Variants in RBFOX1 observed in about 807,000 individuals in gnomAD.
RBFOX1 encodes RNA binding fox-1 homolog 1.
In RBFOX1, 8 loss-of-function variants were observed where a neutral mutation model predicts 57.7. The ratio of observed to expected loss-of-function variants is 0.14; its 90% CI spans 0.08 to 0.25. RBFOX1 has a LOEUF of 0.25. Among genes scored for constraint, RBFOX1 ranks in the 10% least tolerant of loss-of-function variants. RBFOX1 has a pLI of 1.00. For synonymous variants in RBFOX1, 326 were observed against 222.4 expected, an observed-to-expected ratio of 1.47 and a Z score of -4.15; for missense variants, 611 against 548.5, an observed-to-expected ratio of 1.11 and a Z score of -1.14.
chr16:6,230,647 A>T lies in RBFOX1; in HGVS notation c.-126-86348A>T, dbSNP rs867771374. 6.6e-5 allele frequency among the ~76,000 whole-genome samples: 10 copies of T among 152,324 alleles called. No individual in the cohort carries two copies. In the South Asian group the frequency reaches 1.2e-3, roughly 19 times the overall value. ...AGAGGTCTGATGAGGGAGTGAGATTAGCAGCTTAATTTCTTCACGCATAAC... is the reference window on the plus strand; with the variant it reads ...AGAGGTCTGATGAGGGAGTGAGATTTGCAGCTTAATTTCTTCACGCATAAC... On this transcript the variant is annotated intron_variant, in intron 1 of 15. Coordinates refer to ENST00000550418, the MANE Select transcript of RBFOX1 (RefSeq NM_018723.4).
chr16:6,327,434 G>A (rs2082502279), intron 2 of RBFOX1, among the ~76,000 whole-genome samples: 1 of 152,078 alleles, frequency 6.6e-6, no homozygotes, highest in South Asian at 2.1e-4. Flanking sequence ...TCAAAGGATA[G>A]AAGCATCTTT....
intron 1 of RBFOX1, among the ~76,000 whole-genome samples, chr16:5,348,520 A>G (rs998453958): frequency 3.3e-5 from 5 of 152,226 alleles, no homozygotes; most frequent in Admixed American, 6.5e-5. Context: ...CCAGGAATAC[A>G]TATCTAAGAA....
At chr16:5,888,796 T>TA (rs59196477) in intron 4 of RBFOX1, among the ~76,000 whole-genome samples, 116 of 99,212 alleles carry the variant, frequency 1.2e-3, no homozygotes, top group Middle Eastern at 5.3e-3. Flanking sequence ...AAACTCAGTC[T>TA]AAAAAAAAAA....
intron 2 of RBFOX1, among the ~76,000 whole-genome samples, chr16:5,472,839 A>G (rs1204674928): frequency 6.6e-6 from 1 of 152,204 alleles, no homozygotes; most frequent in Non-Finnish European, 1.5e-5. Flanking sequence ...GCCTGTCTGC[A>G]TAGGTAACTT....
intron 4 of RBFOX1, among the ~76,000 whole-genome samples, chr16:7,411,859 T>C (rs898143172): frequency 1.0e-4 from 14 of 140,278 alleles, no homozygotes; most frequent in Non-Finnish European, 1.7e-4. Flanking sequence ...GCCAAGATCA[T>C]GCCATTGCAT....
intron 3 of RBFOX1, among the ~76,000 whole-genome samples, chr16:6,689,545 C>G (rs1489063403): frequency 1.3e-5 from 2 of 152,074 alleles, no homozygotes; most frequent in Non-Finnish European, 2.9e-5. Context: ...TTACACAGGA[C>G]TTATCTTTCC....
intron 2 of RBFOX1, among the ~76,000 whole-genome samples, chr16:5,477,388 C>G (rs1261185154): frequency 1.3e-5 from 2 of 152,180 alleles, no homozygotes; most frequent in African/African-American, 2.4e-5. Flanking sequence ...ATGATTATCT[C>G]ACGACCAATC....
intron 1 of RBFOX1, among the ~76,000 whole-genome samples, chr16:5,271,424 A>C (rs1049555631): frequency 6.6e-6 from 1 of 152,252 alleles, no homozygotes; most frequent in Non-Finnish European, 1.5e-5. Context: ...ATTCCGACTC[A>C]GTAGGGCTGG....
intron 2 of RBFOX1, among the ~76,000 whole-genome samples, chr16:6,571,518 C>CA (rs2097344469): frequency 6.6e-6 from 1 of 151,866 alleles, no homozygotes; most frequent in Admixed American, 6.6e-5. Flanking sequence ...AAATAAAAGG[C>CA]AAGGGGTTTG....
At chr16:7,171,906 A>G (rs146255951) in intron 4 of RBFOX1, among the ~76,000 whole-genome samples, 177 of 152,258 alleles carry the variant, frequency 1.2e-3, no homozygotes, top group African/African-American at 4.1e-3. Flanking sequence ...TTAAGAGAGG[A>G]TATATCCTCA....
chr16:7,077,468 GA>G (rs1236768100), intron 4 of RBFOX1, among the ~76,000 whole-genome samples: 2 of 152,114 alleles, frequency 1.3e-5, no homozygotes, highest in South Asian at 4.2e-4. Flanking sequence ...ACTAATCTGT[GA>G]ATAACTGTGC....
intron 3 of RBFOX1, among the ~76,000 whole-genome samples, chr16:6,786,437 A>G (rs1475346919): frequency 6.6e-6 from 1 of 152,204 alleles, no homozygotes; most frequent in African/African-American, 2.4e-5. Flanking sequence ...ATCAAGTGGA[A>G]GAAACATTTT....
chr16:6,382,569 T>C (rs2091913612), intron 2 of RBFOX1, among the ~76,000 whole-genome samples: 1 of 152,130 alleles, frequency 6.6e-6, no homozygotes, highest in African/African-American at 2.4e-5. Context: ...GATGTGAAAA[T>C]GCTTTTAAGA....
At chr16:6,028,362 T>C (rs951810051) in intron 1 of RBFOX1, among the ~76,000 whole-genome samples, 3 of 151,992 alleles carry the variant, frequency 2.0e-5, no homozygotes, top group Non-Finnish European at 2.9e-5. Context: ...ATAAAGGGCA[T>C]GGTTGATACC....
chr16:5,697,462 G>T (rs2050880102), intron 3 of RBFOX1, among the ~76,000 whole-genome samples: 1 of 150,536 alleles, frequency 6.6e-6, no homozygotes. Context: ...ATTGCCTATT[G>T]CACGAGCTAG....
chr16:6,406,125 G>T (rs954384599), intron 2 of RBFOX1, among the ~76,000 whole-genome samples: 6 of 152,192 alleles, frequency 3.9e-5, no homozygotes, highest in African/African-American at 1.4e-4. Flanking sequence ...ATGTAGTAAG[G>T]CTAAAGACCA....
intron 1 of RBFOX1, among the ~76,000 whole-genome samples, chr16:5,357,758 C>CT (rs2065432503): frequency 6.6e-6 from 1 of 152,178 alleles, no homozygotes; most frequent in Non-Finnish European, 1.5e-5. Context: ...TAGTCAGAAT[C>CT]TCCCCCTTTG....
At chr16:7,149,797 G>T (rs1022510920) in intron 4 of RBFOX1, among the ~76,000 whole-genome samples, 3 of 152,002 alleles carry the variant, frequency 2.0e-5, no homozygotes, top group African/African-American at 7.2e-5. Flanking sequence ...ATTAAGTAAT[G>T]TCTAGCCACA....
intron 1 of RBFOX1, among the ~76,000 whole-genome samples, chr16:5,370,986 T>C (rs1042476232): frequency 6.6e-6 from 1 of 152,222 alleles, no homozygotes; most frequent in African/African-American, 2.4e-5. Context: ...TGTTGCTCTT[T>C]CGCCAGGCTG....
Sources: allele counts gnomAD v4.1 joint callset (sites outside exome capture counted in the v4.1 genomes callset), GRCh38; gene constraint gnomAD v4.1.1; transcripts MANE v1.5; gene names NCBI Gene and HGNC (gene_info 2026-07-23, HGNC 2026-07-21).